RNGTT: variants seen among roughly 807,000 people sequenced by gnomAD.
The protein encoded by RNGTT is mRNA-capping enzyme.
RNGTT carries 33 observed loss-of-function variants against 79.3 expected under a neutral mutation model. The observed-to-expected ratio is 0.42, with a 90% confidence interval of 0.32 to 0.56. The LOEUF (loss-of-function observed/expected upper bound fraction) is 0.56. Among genes scored for constraint, RNGTT ranks in the 20% least tolerant of loss-of-function variants. The pLI is 0.17. For missense variants in RNGTT, 497 were observed against 739.1 expected (o/e 0.67, Z 3.80); for synonymous variants, 222 against 235.9 (o/e 0.94, Z 0.54).
At chr6:88,949,159 G>GAAAAAAAAAA in intron 1 of RNGTT, among the ~76,000 whole-genome samples, 74 of 50,510 alleles carry the variant, frequency 1.5e-3, no homozygotes, top group Non-Finnish European at 2.1e-3. Flanking sequence ...AAAATAAAAT[G>GAAAAAAAAAA]AAAAAAAAAA....
At chr6:88,648,413 T>C (rs1773659833) in intron 14 of RNGTT, among the ~76,000 whole-genome samples, 1 of 151,942 alleles carries the variant, frequency 6.6e-6, no homozygotes, top group African/African-American at 2.4e-5. Flanking sequence ...ACATGGCACA[T>C]GTATACATAT....
At chr6:88,668,549 C>T (rs1317191939) in intron 14 of RNGTT, among the ~76,000 whole-genome samples, 1 of 152,118 alleles carries the variant, frequency 6.6e-6, no homozygotes, top group Non-Finnish European at 1.5e-5. Flanking sequence ...TTAAAATAAC[C>T]TTTCTGTTTT....
chr6:88,649,298 T>C (rs1253010503), intron 14 of RNGTT, among the ~76,000 whole-genome samples: 1 of 152,078 alleles, frequency 6.6e-6, no homozygotes, highest in African/African-American at 2.4e-5. Flanking sequence ...TTAGGTAAAA[T>C]AAGGGTATGA....
chr6:88,628,667 A>G (rs78279299), intron 14 of RNGTT, among the ~76,000 whole-genome samples: 1 of 152,154 alleles, frequency 6.6e-6, no homozygotes, highest in African/African-American at 2.4e-5. Context: ...GTAGCTGAGC[A>G]CTTTACATAC....
intron 14 of RNGTT, among the ~76,000 whole-genome samples, chr6:88,628,664 A>G (rs1772728129): frequency 6.6e-6 from 1 of 152,170 alleles, no homozygotes; most frequent in African/African-American, 2.4e-5. Context: ...GATGTAGCTG[A>G]GCACTTTACA....
At chr6:88,863,972 T>A (rs1424908121) in intron 8 of RNGTT, among the ~76,000 whole-genome samples, 2 of 152,138 alleles carry the variant, frequency 1.3e-5, no homozygotes, top group Non-Finnish European at 2.9e-5. Context: ...CCTAACTATA[T>A]GCTTTAACTT....
At chr6:88,629,783 G>C (rs868327372) in intron 14 of RNGTT, among the ~76,000 whole-genome samples, 3 of 152,142 alleles carry the variant, frequency 2.0e-5, no homozygotes, top group African/African-American at 7.2e-5. Flanking sequence ...AATTAAGGTA[G>C]GTAGCTTTTC....
At chr6:88,657,544 G>T (rs1199445695) in intron 14 of RNGTT, among the ~76,000 whole-genome samples, 1 of 152,144 alleles carries the variant, frequency 6.6e-6, no homozygotes, top group Non-Finnish European at 1.5e-5. Context: ...CAGGGGGTGG[G>T]GAGGCAAATG....
chr6:88,888,321 C>T lies in RNGTT; in HGVS notation c.896+2174G>A, dbSNP rs145514500. Among the ~76,000 whole-genome samples the T allele has an allele frequency of 2.3e-3, 355 of 152,248 alleles. 1 individual carries two copies. Among genetic ancestry groups the T allele is most frequent in the African/African-American group, 8.3e-3 (345 of 41,546 alleles). On this transcript the variant is annotated intron_variant, in intron 8 of 15. Transcript: ENST00000369485. ...TAAGACATTTGTTAAGACATTTTTA[C>T]GTATCTATTAAAATGTATGTCTCAA...
chr6:88,707,578 T>C lies in RNGTT; in HGVS notation c.1440-29159A>G, dbSNP rs187963457. ...AACAGGTAACTACCCATTTAATGCT[T>C]CAAAGTAGCAAACTGTCTGGGATCC... On this transcript the variant is annotated intron_variant, in intron 13 of 15. Coordinates refer to ENST00000369485, the MANE Select transcript of RNGTT (RefSeq NM_003800.5). Among the ~76,000 whole-genome samples, 7 of 152,144 alleles carry C rather than the reference T, an allele frequency of 4.6e-5. No homozygotes were observed. The South Asian group carries it at 6.2e-4, about 14-fold the overall frequency.
chr6:88,906,483 C>A (rs1783658430), intron 4 of RNGTT, 43 bp from the exon 5 acceptor site: 2 of 1,164,498 alleles, frequency 1.7e-6, no homozygotes, highest in South Asian at 1.5e-5. Flanking sequence ...CAAATCACTG[C>A]AGAGGCCACA....
chr6:88,811,963 T>C (rs1190796788), intron 11 of RNGTT, among the ~76,000 whole-genome samples: 1 of 152,168 alleles, frequency 6.6e-6, no homozygotes, highest in Non-Finnish European at 1.5e-5. Context: ...ATACTAATCT[T>C]TATTGGTTTT....
intron 14 of RNGTT, among the ~76,000 whole-genome samples, chr6:88,641,532 G>A (rs1289056596): frequency 2.6e-5 from 4 of 152,132 alleles, no homozygotes; most frequent in Admixed American, 2.0e-4. Context: ...TAAGACAAAA[G>A]TGAAAATTCC....
At chr6:88,751,774 T>C (rs922006530) in intron 13 of RNGTT, among the ~76,000 whole-genome samples, 21 of 152,144 alleles carry the variant, frequency 1.4e-4, no homozygotes, top group African/African-American at 4.6e-4. Context: ...ATTGTTATTA[T>C]ACAGTAAAAA....
rs537235805 is a variant in RNGTT at position 88,667,561 on chromosome 6, G to C, written c.1506+10792C>G. ...ATGTGGAGGTAACAAGTATCTGCTG[G>C]TTCTAGTGTGTACATACTCTGGGTG... is the stretch of plus-strand genomic sequence containing the variant. On this transcript the variant is annotated intron_variant, in intron 14 of 15. Coordinates refer to ENST00000369485, the MANE Select transcript of RNGTT (RefSeq NM_003800.5). Among the ~76,000 whole-genome samples the C allele has an allele frequency of 7.2e-5, 11 of 152,186 alleles. No homozygotes were observed. In the South Asian group the frequency reaches 2.3e-3, roughly 32 times the overall value.
chr6:88,876,700 A>G (rs984074122), intron 8 of RNGTT, among the ~76,000 whole-genome samples: 3 of 152,254 alleles, frequency 2.0e-5, no homozygotes, highest in African/African-American at 4.8e-5. Context: ...TGGGTCCAGT[A>G]GCCCAGCTCT....
chr6:88,775,937 C>A (rs901633612), intron 12 of RNGTT, among the ~76,000 whole-genome samples: 3 of 152,096 alleles, frequency 2.0e-5, no homozygotes, highest in Non-Finnish European at 4.4e-5. Flanking sequence ...AATTCATTGA[C>A]CCACTGAAGG....
At chr6:88,665,154 G>A (rs1329425886) in intron 14 of RNGTT, among the ~76,000 whole-genome samples, 1 of 152,140 alleles carries the variant, frequency 6.6e-6, no homozygotes, top group African/African-American at 2.4e-5. Flanking sequence ...AGTTCCCCGA[G>A]AGGAAGAGTA....
chr6:88,929,941 T>G (rs1010030610), intron 2 of RNGTT, among the ~76,000 whole-genome samples: 1 of 149,848 alleles, frequency 6.7e-6, no homozygotes, highest in Non-Finnish European at 1.5e-5. Flanking sequence ...TGTATACATA[T>G]GCATATACAC....
Sources: gnomAD v4.1 joint callset for allele counts (sites outside exome capture counted in the v4.1 genomes callset) on GRCh38, gnomAD v4.1.1 for gene constraint, MANE v1.5 for transcripts, NCBI Gene and HGNC (gene_info 2026-07-23, HGNC 2026-07-21) for gene names.